FAF1: variants seen among roughly 807,000 people sequenced by gnomAD.
The protein encoded by FAF1 is Fas associated factor 1.
In FAF1, 25 loss-of-function variants were observed where a neutral mutation model predicts 92.5. The ratio of observed to expected loss-of-function variants is 0.27; its 90% confidence interval spans 0.20 to 0.38. FAF1 has a LOEUF of 0.38. FAF1 is among the 10% of genes least tolerant of loss of function. The pLI is 1.00. For missense variants in FAF1, 636 were observed against 793.3 expected, an observed-to-expected ratio of 0.80 and a Z score of 2.38; for synonymous variants, 234 against 273.2, an observed-to-expected ratio of 0.86 and a Z score of 1.42.
intron 9 of FAF1, among the ~76,000 whole-genome samples, chr1:50,592,694 C>A (rs993461019): frequency 1.3e-5 from 2 of 152,082 alleles, no homozygotes; most frequent in Non-Finnish European, 2.9e-5. Context: ...ACACCTGTAA[C>A]CCCAACACTT....
chr1:50,959,012 T>TA (rs1157611036), intron 1 of FAF1, among the ~76,000 whole-genome samples: 1 of 152,222 alleles, frequency 6.6e-6, no homozygotes, highest in Non-Finnish European at 1.5e-5. Flanking sequence ...CTAAGATACT[T>TA]ACATGTCAGT....
At chr1:50,615,009 C>T (rs1212194701) in intron 8 of FAF1, among the ~76,000 whole-genome samples, 1 of 152,040 alleles carries the variant, frequency 6.6e-6, no homozygotes, top group African/African-American at 2.4e-5. Context: ...GAGCATACTA[C>T]CCAATAGGTA....
intron 8 of FAF1, among the ~76,000 whole-genome samples, chr1:50,599,693 TA>T (rs1652003684): frequency 6.6e-6 from 1 of 152,316 alleles, no homozygotes; most frequent in East Asian, 1.9e-4. Flanking sequence ...CATACCAAAG[TA>T]TAATGGATGG....
At chr1:50,841,128 G>T (rs1325446530) in intron 2 of FAF1, among the ~76,000 whole-genome samples, 3 of 151,970 alleles carry the variant, frequency 2.0e-5, no homozygotes, top group African/African-American at 7.2e-5. Flanking sequence ...GCGCAGCAAT[G>T]GCTCCACTAC....
In FAF1 at chr1:50,608,735, T is replaced by C. The variant is rs11810542; in HGVS notation, c.745-12519A>G. Among the ~76,000 whole-genome samples the C allele has an allele frequency of 6.5e-3, 994 of 152,278 alleles. 19 individuals are homozygous for C. Among genetic ancestry groups the C allele is most frequent in the African/African-American group, 0.023 (948 of 41,560 alleles). ...ATTGTAAGGTAACTTCTTTGGTAGG[T>C]AGATGTCACTATACTTCGTTGCAGA... On this transcript the variant is annotated intron_variant, in intron 8 of 18. Transcript: ENST00000396153.
chr1:50,582,240 A>G (rs753935124), intron 12 of FAF1, among the ~76,000 whole-genome samples: 2 of 150,424 alleles, frequency 1.3e-5, no homozygotes, highest in Non-Finnish European at 3.0e-5. Context: ...TTTCCCATTT[A>G]AAAAAAAACC....
intron 6 of FAF1, among the ~76,000 whole-genome samples, chr1:50,727,342 T>C (rs1658701470): frequency 6.6e-6 from 1 of 152,264 alleles, no homozygotes; most frequent in Non-Finnish European, 1.5e-5. Context: ...TTGCTCATTA[T>C]ATCCCTAGCA....
chr1:50,525,398 G>A (rs1647739693), intron 15 of FAF1, among the ~76,000 whole-genome samples: 1 of 152,142 alleles, frequency 6.6e-6, no homozygotes, highest in Admixed American at 6.5e-5. Context: ...AGATTCGTAT[G>A]GGTTAATTTC....
chr1:50,692,412 T>C (rs1328746188), intron 7 of FAF1, among the ~76,000 whole-genome samples: 1 of 152,118 alleles, frequency 6.6e-6, no homozygotes, highest in Non-Finnish European at 1.5e-5. Context: ...AAACTGAAAC[T>C]GTATCCTTTG....
At chr1:50,701,441 G>T (rs1009169576) in intron 7 of FAF1, among the ~76,000 whole-genome samples, 4 of 151,948 alleles carry the variant, frequency 2.6e-5, no homozygotes, top group South Asian at 2.1e-4. Context: ...TTACAGAAAG[G>T]CCATGTTAGT....
At chr1:50,573,378 C>G (rs140034934) in intron 12 of FAF1, among the ~76,000 whole-genome samples, 1 of 152,032 alleles carries the variant, frequency 6.6e-6, no homozygotes, top group Non-Finnish European at 1.5e-5. Context: ...AGATTACAGG[C>G]GTAAGCCACT....
At chr1:50,605,771 C>G (rs958980818) in intron 8 of FAF1, among the ~76,000 whole-genome samples, 1 of 152,140 alleles carries the variant, frequency 6.6e-6, no homozygotes, top group African/African-American at 2.4e-5. Flanking sequence ...GGAATATGTG[C>G]AGATTTCTCT....
At chr1:50,760,807 AG>A (rs1355888607) in intron 4 of FAF1, among the ~76,000 whole-genome samples, 1 of 152,232 alleles carries the variant, frequency 6.6e-6, no homozygotes, top group African/African-American at 2.4e-5. Flanking sequence ...CACATTCAAA[AG>A]CCAGCAGAAG....
intron 4 of FAF1, among the ~76,000 whole-genome samples, chr1:50,755,037 T>C (rs775899139): frequency 1.3e-5 from 2 of 152,138 alleles, no homozygotes; most frequent in African/African-American, 2.4e-5. Context: ...AACCATATCA[T>C]TCTGCCCCTG....
intron 1 of FAF1, among the ~76,000 whole-genome samples, chr1:50,953,949 CAT>C (rs750004732): frequency 1.0e-3 from 157 of 150,128 alleles, no homozygotes; most frequent in Middle Eastern, 6.9e-3. Flanking sequence ...AGAAAGAATA[CAT>C]TTTTTTTTTT....
chr1:50,673,185 G>A (rs1248834868), intron 7 of FAF1, among the ~76,000 whole-genome samples: 1 of 151,942 alleles, frequency 6.6e-6, no homozygotes, highest in Non-Finnish European at 1.5e-5. Context: ...TTGAACCCGG[G>A]AGGCAGAGGT....
chr1:50,449,470 G>A (rs2148978361), intron 18 of FAF1, among the ~76,000 whole-genome samples: 1 of 151,528 alleles, frequency 6.6e-6, no homozygotes, highest in Non-Finnish European at 1.5e-5. Context: ...TTTGAACTTG[G>A]GGGAACAACT....
At chr1:50,660,567 T>C (rs1237284725) in intron 7 of FAF1, among the ~76,000 whole-genome samples, 1 of 151,912 alleles carries the variant, frequency 6.6e-6, no homozygotes, top group Non-Finnish European at 1.5e-5. Flanking sequence ...GTTCTCGGCT[T>C]ACTGCAACCT....
intron 9 of FAF1, among the ~76,000 whole-genome samples, chr1:50,586,127 A>G (rs763135244): frequency 5.9e-5 from 9 of 152,140 alleles, no homozygotes; most frequent in Non-Finnish European, 1.0e-4. Context: ...ATAGATTTTA[A>G]AGCTGGAAGG....
Sources: gnomAD v4.1 joint callset for allele counts (sites outside exome capture counted in the v4.1 genomes callset) on GRCh38, gnomAD v4.1.1 for gene constraint, MANE v1.5 for transcripts, NCBI Gene and HGNC (gene_info 2026-07-23, HGNC 2026-07-21) for gene names.